DMD: variants seen among roughly 807,000 people sequenced by gnomAD.
The protein encoded by DMD is dystrophin.
DMD carries 63 observed loss-of-function variants against 330.1 expected under a neutral mutation model. The observed-to-expected ratio is 0.19, with a 90% CI of 0.16 to 0.24. The LOEUF is 0.24. Ranked by LOEUF, DMD falls within the 10% of genes least tolerant of loss-of-function variation. The pLI, the probability that DMD is intolerant of heterozygous loss-of-function variation, is 1.00. For synonymous variants in DMD, 1,223 were observed against 959.8 expected (o/e 1.27, Z -5.07); for missense variants, 3,344 against 2,684.1 (o/e 1.25, Z -5.43).
At chrX:32,989,968 A>C (rs192354315) in intron 2 of DMD, among the ~76,000 whole-genome samples, 1 of 111,716 alleles carries the variant, frequency 9.0e-6, no homozygotes, top group Non-Finnish European at 1.9e-5. Context: ...AAGGTTTCAT[A>C]ACTCTGTATG....
intron 2 of DMD, among the ~76,000 whole-genome samples, chrX:32,905,945 T>C (rs749280851): frequency 8.9e-6 from 1 of 112,156 alleles, no homozygotes; most frequent in South Asian, 3.8e-4. Flanking sequence ...AATCACTGAA[T>C]AATTTAATAC....
In DMD at chrX:32,255,991, C is replaced by T. The variant is rs1187210108; in HGVS notation, c.6290+31538G>A. On this transcript the variant is annotated intron_variant, in intron 43 of 78. Coordinates refer to ENST00000357033, the MANE Select transcript of DMD (RefSeq NM_004006.3). ...TTGGATTTAAAATATAACAGATTCA[C>T]GTACTATGTATGACTGAAAACATAC... Among the ~76,000 whole-genome samples the T allele has an allele frequency of 6.3e-5, 7 of 111,058 alleles. No homozygotes were observed. The East Asian group carries it at 8.5e-4, about 14-fold the overall frequency.
chrX:33,267,993 A>AT (rs527255488), intron 1 of DMD, among the ~76,000 whole-genome samples: 16,281 of 98,199 alleles, frequency 0.17, 1,942 homozygotes, highest in African/African-American at 0.4. Context: ...GGCATTGGCA[A>AT]TTTTTTTTTT....
chrX:31,726,712 T>A (rs1398361020), intron 52 of DMD, among the ~76,000 whole-genome samples: 1 of 111,923 alleles, frequency 8.9e-6, no homozygotes, highest in Non-Finnish European at 1.9e-5. Flanking sequence ...GATAAACATA[T>A]CTTGTCAGAA....
chrX:31,143,429 G>A (rs1173999739), intron 76 of DMD, among the ~76,000 whole-genome samples: 1 of 111,616 alleles, frequency 9.0e-6, no homozygotes, highest in Non-Finnish European at 1.9e-5. Flanking sequence ...CCCCAGCCTT[G>A]TGGAACTGAG....
intron 60 of DMD, among the ~76,000 whole-genome samples, chrX:31,430,573 G>T (rs1465666584): frequency 1.8e-5 from 2 of 110,980 alleles, no homozygotes; most frequent in Non-Finnish European, 3.8e-5. Context: ...ATATGACTCT[G>T]AAAGAAAATT....
chrX:31,601,323 A>G (rs1603418971), intron 55 of DMD, among the ~76,000 whole-genome samples: 2 of 112,174 alleles, frequency 1.8e-5, no homozygotes, highest in South Asian at 7.4e-4. Context: ...TAATATATTA[A>G]CAGCATACTA....
rs2053496644 is a variant in DMD at position 31,289,280 on chromosome X, A to AAAAAAAAAAAAAAAAC, written c.9225-28265_9225-28264insGTTTTTTTTTTTTTTT. Among the ~76,000 whole-genome samples, 2 of 85,627 alleles carry AAAAAAAAAAAAAAAAC rather than the reference A, an allele frequency of 2.3e-5. 1 individual carries two copies. The highest frequency in any genetic ancestry group is 4.5e-5 in the Non-Finnish European group (2 of 44,459). The allele number at this position is 85,627 out of a possible 115,157, so 74.4% of individuals were successfully genotyped here. On this transcript the variant is annotated intron_variant, in intron 62 of 78. Coordinates refer to ENST00000357033, the MANE Select transcript of DMD (RefSeq NM_004006.3). ...AAAAAAAAAAATAAAAAATAAAATA[A>AAAAAAAAAAAAAAAAC]AATCCATCTCAAAAAAAAAAAAATC...
chrX:32,841,232 TAAAATTTAAAAA>T (rs932633216), intron 4 of DMD, among the ~76,000 whole-genome samples: 2 of 110,977 alleles, frequency 1.8e-5, no homozygotes, highest in African/African-American at 6.5e-5. Flanking sequence ...CTAGAAAACC[TAAAATTTAAAAA>T]AAAAATCAAG....
At chrX:32,422,736 C>T (rs2098195224) in intron 29 of DMD, among the ~76,000 whole-genome samples, 1 of 111,275 alleles carries the variant, frequency 9.0e-6, no homozygotes, top group African/African-American at 3.3e-5. Flanking sequence ...GAATACACTG[C>T]AAAGAAATGT....
At chrX:31,882,340 T>A (rs1272651318) in intron 47 of DMD, among the ~76,000 whole-genome samples, 1 of 111,808 alleles carries the variant, frequency 8.9e-6, no homozygotes, top group African/African-American at 3.3e-5. Flanking sequence ...AACTGATTAG[T>A]CATTTGAAAA....
chrX:32,433,387 C>T (rs1017305656), intron 29 of DMD, among the ~76,000 whole-genome samples: 4 of 111,539 alleles, frequency 3.6e-5, no homozygotes, highest in African/African-American at 1.3e-4. Context: ...ATATGAAAAA[C>T]CATATATCGG....
At chrX:32,570,213 G>A (rs1257424134) in intron 15 of DMD, among the ~76,000 whole-genome samples, 1 of 111,425 alleles carries the variant, frequency 9.0e-6, no homozygotes, top group Non-Finnish European at 1.9e-5. Flanking sequence ...ACCTAGACAT[G>A]TAGTGAAAAC....
intron 7 of DMD, among the ~76,000 whole-genome samples, chrX:32,766,713 C>A (rs968167817): frequency 1.4e-4 from 16 of 111,134 alleles, no homozygotes; most frequent in Non-Finnish European, 2.8e-4. Flanking sequence ...CATTGCACAG[C>A]ATGAATATAG....
chrX:32,511,789 G>A (rs1011115287), intron 18 of DMD, among the ~76,000 whole-genome samples: 1 of 110,863 alleles, frequency 9.0e-6, no homozygotes, highest in Non-Finnish European at 1.9e-5. Flanking sequence ...TTTTAATCTT[G>A]AAAGGATCTA....
chrX:32,432,598 TA>T (rs1037088488), intron 29 of DMD, among the ~76,000 whole-genome samples: 8 of 112,072 alleles, frequency 7.1e-5, no homozygotes, highest in Non-Finnish European at 1.5e-4. Flanking sequence ...ATCTATTTCA[TA>T]AAGCAAATGT....
At chrX:32,704,167 C>A (rs1272434367) in intron 7 of DMD, among the ~76,000 whole-genome samples, 1 of 111,172 alleles carries the variant, frequency 9.0e-6, no homozygotes, top group South Asian at 3.7e-4. Flanking sequence ...AACCTCATGG[C>A]GGTCTGAAGG....
At chrX:33,041,296 C>T (rs937041323) in intron 1 of DMD, 30 of 900,981 alleles carry the variant, frequency 3.3e-5, no homozygotes, top group Admixed American at 5.4e-5. Flanking sequence ...CCTGCGCATG[C>T]GCGCCGGCGA....
At chrX:31,364,639 A>C (rs780514363) in intron 60 of DMD, among the ~76,000 whole-genome samples, 33 of 112,404 alleles carry the variant, frequency 2.9e-4, no homozygotes, top group African/African-American at 1.1e-3. Flanking sequence ...CAACGTATTT[A>C]AGTTGCTCAA....
Sources: allele counts gnomAD v4.1 joint callset (sites outside exome capture counted in the v4.1 genomes callset), GRCh38; gene constraint gnomAD v4.1.1; transcripts MANE v1.5; gene names NCBI Gene and HGNC (gene_info 2026-07-23, HGNC 2026-07-21).